HCN1: variants seen among roughly 807,000 people sequenced by gnomAD.
The protein encoded by HCN1 is potassium/sodium hyperpolarization-activated cyclic nucleotide-gated channel 1.
Under a neutral mutation model 78.9 loss-of-function variants are expected in HCN1, and 13 were observed. That is an observed-to-expected ratio of 0.16 (90% CI 0.11 to 0.26). HCN1 has a LOEUF of 0.26. Among genes scored for constraint, HCN1 ranks in the 10% least tolerant of loss-of-function variants. The pLI is 1.00. For synonymous variants in HCN1, 552 were observed against 455.5 expected, an observed-to-expected ratio of 1.21 and a Z score of -2.70; for missense variants, 810 against 1,154.3, an observed-to-expected ratio of 0.70 and a Z score of 4.32.
At chr5:45,299,529 T>C (rs1745565685) in intron 6 of HCN1, among the ~76,000 whole-genome samples, 1 of 151,968 alleles carries the variant, frequency 6.6e-6, no homozygotes, top group African/African-American at 2.4e-5. Context: ...TGAGAAAATA[T>C]AGTGTAGGTT....
intron 2 of HCN1, among the ~76,000 whole-genome samples, chr5:45,578,742 A>G (rs1426470565): frequency 6.6e-6 from 1 of 152,088 alleles, no homozygotes; most frequent in Non-Finnish European, 1.5e-5. Context: ...GCATAGAGCA[A>G]TTAACAAACA....
At chr5:45,462,544 C>T (rs566053719) in intron 2 of HCN1, among the ~76,000 whole-genome samples, 1 of 152,116 alleles carries the variant, frequency 6.6e-6, no homozygotes, top group South Asian at 2.1e-4. Context: ...GGATACTGAA[C>T]ATAAATAGAA....
At chr5:45,344,650 T>G (rs545864606) in intron 5 of HCN1, among the ~76,000 whole-genome samples, 1 of 152,290 alleles carries the variant, frequency 6.6e-6, no homozygotes, top group Non-Finnish European at 1.5e-5. Context: ...AGTCAAATCT[T>G]AAAGCTCCAA....
chr5:45,593,282 A>G (rs1579988827), intron 2 of HCN1, among the ~76,000 whole-genome samples: 1 of 146,792 alleles, frequency 6.8e-6, no homozygotes, highest in East Asian at 2.0e-4. Context: ...AGACAAAGGT[A>G]GAGGTATATT....
At chr5:45,629,645 C>T (rs918450015) in intron 2 of HCN1, among the ~76,000 whole-genome samples, 42 of 152,184 alleles carry the variant, frequency 2.8e-4, no homozygotes, top group Middle Eastern at 3.4e-3. Context: ...GTGAGTAACA[C>T]TTAAGATCTG....
At chr5:45,454,501 A>AAAAAAAAAT (rs1740985583) in intron 3 of HCN1, among the ~76,000 whole-genome samples, 1 of 150,144 alleles carries the variant, frequency 6.7e-6, no homozygotes. Flanking sequence ...AAAAAAAAAT[A>AAAAAAAAAT]AAAAAAAATA....
At chr5:45,428,276 G>A (rs937031410) in intron 3 of HCN1, among the ~76,000 whole-genome samples, 1 of 151,954 alleles carries the variant, frequency 6.6e-6, no homozygotes, top group Non-Finnish European at 1.5e-5. Flanking sequence ...TTTTAGAGAT[G>A]ATTTTGGTCA....
At chr5:45,395,371 A>G (rs1385920955) in intron 4 of HCN1, among the ~76,000 whole-genome samples, 1 of 152,088 alleles carries the variant, frequency 6.6e-6, no homozygotes, top group Non-Finnish European at 1.5e-5. Context: ...GTTCTTTCCA[A>G]TTCATTTGGA....
chr5:45,617,039 T>C (rs1001889773), intron 2 of HCN1, among the ~76,000 whole-genome samples: 9 of 152,038 alleles, frequency 5.9e-5, no homozygotes, highest in Admixed American at 5.9e-4. Context: ...GTGGGAGCAG[T>C]GATTTCAAAA....
intron 3 of HCN1, among the ~76,000 whole-genome samples, chr5:45,450,769 A>C (rs1740899909): frequency 6.6e-6 from 1 of 152,214 alleles, no homozygotes; most frequent in African/African-American, 2.4e-5. Flanking sequence ...ATAAGAATGT[A>C]GCTCAGGAAA....
At chr5:45,695,413 TC>T (rs1455343287) in intron 1 of HCN1, among the ~76,000 whole-genome samples, 3 of 152,064 alleles carry the variant, frequency 2.0e-5, no homozygotes, top group Admixed American at 1.3e-4. Flanking sequence ...CCCTGATCTG[TC>T]CCCGAAGTTC....
intron 3 of HCN1, among the ~76,000 whole-genome samples, chr5:45,409,802 C>T (rs1739991857): frequency 6.6e-6 from 1 of 151,504 alleles, no homozygotes; most frequent in Admixed American, 6.6e-5. Context: ...TATAAGTACA[C>T]TGAATTTCAG....
intron 6 of HCN1, among the ~76,000 whole-genome samples, chr5:45,280,510 T>A (rs1745135510): frequency 6.6e-6 from 1 of 152,150 alleles, no homozygotes; most frequent in South Asian, 2.1e-4. Flanking sequence ...TCCTGTGCAT[T>A]GTAAAATGTT....
Position 45,356,314 on chromosome 5 carries a change from A to G in HCN1, c.1231-3068T>C, listed in dbSNP as rs1747006106. On this transcript the variant is annotated intron_variant, in intron 4 of 7. Transcript: ENST00000303230. ...TTATTCCATCAGATCTAAAGAGACT[A>G]TAAAATAATTATCACTTAAAATTCT... Among the ~76,000 whole-genome samples, 4 of 151,986 alleles carry G rather than the reference A, an allele frequency of 2.6e-5. No homozygotes were observed. The South Asian group carries it at 8.3e-4, about 31-fold the overall frequency.
chr5:45,619,008 T>C (rs1416025137), intron 2 of HCN1, among the ~76,000 whole-genome samples: 1 of 152,068 alleles, frequency 6.6e-6, no homozygotes, highest in African/African-American at 2.4e-5. Context: ...ATTACTATTT[T>C]AGTAGTAGTG....
intron 2 of HCN1, among the ~76,000 whole-genome samples, chr5:45,530,848 C>A (rs150391428): frequency 1.6e-3 from 246 of 152,190 alleles, no homozygotes; most frequent in African/African-American, 5.8e-3. Flanking sequence ...ATTTCCATAT[C>A]TTTCCCAAGG....
chr5:45,537,515 C>G (rs1257795433), intron 2 of HCN1, among the ~76,000 whole-genome samples: 1 of 104,178 alleles, frequency 9.6e-6, no homozygotes, highest in Non-Finnish European at 1.9e-5. Flanking sequence ...TTTAAAGCAA[C>G]TCTAAGTCTT....
intron 5 of HCN1, among the ~76,000 whole-genome samples, chr5:45,308,772 T>C (rs1300513199): frequency 2.0e-5 from 3 of 152,198 alleles, no homozygotes; most frequent in Non-Finnish European, 4.4e-5. Context: ...ACTGTAGCCC[T>C]GCAGTAGAGT....
At chr5:45,451,104 T>A (rs953136534) in intron 3 of HCN1, among the ~76,000 whole-genome samples, 3 of 152,162 alleles carry the variant, frequency 2.0e-5, no homozygotes. Flanking sequence ...TACAATGAAT[T>A]TGAATACAAA....
Sources: gnomAD v4.1 joint callset for allele counts (sites outside exome capture counted in the v4.1 genomes callset) on GRCh38, gnomAD v4.1.1 for gene constraint, MANE v1.5 for transcripts, NCBI Gene and HGNC (gene_info 2026-07-23, HGNC 2026-07-21) for gene names.